The following PHF24 variants were observed in gnomAD, a reference collection of about 807,000 sequenced individuals.
PHF24 encodes the protein Galpha inhibitory interacting protein.
In PHF24, 25 loss-of-function variants were observed where a neutral mutation model predicts 42.6. That is an observed-to-expected ratio of 0.59 (90% CI 0.43 to 0.82). The LOEUF (loss-of-function observed/expected upper bound fraction) is 0.82, where lower values mean the gene tolerates loss of function less well. Ranked by LOEUF, PHF24 falls within the 40% of genes least tolerant of loss-of-function variation. The pLI is 0.00. For synonymous variants in PHF24, 185 were observed against 204.8 expected, an observed-to-expected ratio of 0.90 and a Z score of 0.83; for missense variants, 470 against 538.1, an observed-to-expected ratio of 0.87 and a Z score of 1.25.
chr9:34,803,999 A>T, the PHF24 span, among the ~76,000 whole-genome samples: 1 of 152,098 alleles, frequency 6.6e-6, no homozygotes, highest in Non-Finnish European at 1.5e-5. Flanking sequence ...GTATGACATG[A>T]CTCTGAAACT....
chr9:34,886,001 C>T, the PHF24 span, among the ~76,000 whole-genome samples: 2 of 151,964 alleles, frequency 1.3e-5, no homozygotes, highest in African/African-American at 2.4e-5. Context: ...GCCCACACTC[C>T]CTTATATGTG....
At chr9:34,752,760 T>C in the PHF24 span, among the ~76,000 whole-genome samples, 2 of 152,254 alleles carry the variant, frequency 1.3e-5, no homozygotes, top group East Asian at 3.9e-4. Flanking sequence ...CCAGTGTTCC[T>C]GATGAACATT....
At chr9:34,771,464 A>G in the PHF24 span, among the ~76,000 whole-genome samples, 1 of 152,240 alleles carries the variant, frequency 6.6e-6, no homozygotes, top group African/African-American at 2.4e-5. Flanking sequence ...TTAACCAAAA[A>G]GTTATTATGT....
chr9:34,893,081 T>C, the PHF24 span: 6 of 947,438 alleles, frequency 6.3e-6, no homozygotes, highest in Admixed American at 1.3e-4. Flanking sequence ...AGCCATAACA[T>C]TGCAGATTTG....
At chr9:34,935,970 GT>G in the PHF24 span, among the ~76,000 whole-genome samples, 6 of 151,512 alleles carry the variant, frequency 4.0e-5, no homozygotes, top group Non-Finnish European at 5.9e-5. Context: ...CCCGTGCCAA[GT>G]ATCTAGGGTG....
chr9:34,952,488 A>AT, the PHF24 span, among the ~76,000 whole-genome samples: 1 of 152,352 alleles, frequency 6.6e-6, no homozygotes, highest in South Asian at 2.1e-4. Flanking sequence ...TGCCACCAGG[A>AT]TTTTTTAATA....
chr9:34,731,907 G>GT, the PHF24 span, among the ~76,000 whole-genome samples: 2 of 151,982 alleles, frequency 1.3e-5, no homozygotes, highest in Non-Finnish European at 1.5e-5. Context: ...CTGGAGTGCA[G>GT]TGGCGTGATC....
At chr9:34,721,174 T>C in the PHF24 span, among the ~76,000 whole-genome samples, 1 of 152,214 alleles carries the variant, frequency 6.6e-6, no homozygotes, top group Non-Finnish European at 1.5e-5. Context: ...ATTCCTTCAC[T>C]TCTGAACCAC....
chr9:34,906,643 C>CA, the PHF24 span, among the ~76,000 whole-genome samples: 17,723 of 65,616 alleles, frequency 0.27, 2,018 homozygotes, highest in East Asian at 0.56. Context: ...GACTCCATCT[C>CA]AAAAAAAAAA....
At chr9:34,764,827 G>A in the PHF24 span, among the ~76,000 whole-genome samples, 4 of 151,728 alleles carry the variant, frequency 2.6e-5, no homozygotes, top group Non-Finnish European at 5.9e-5. Flanking sequence ...GCTTTCTCTT[G>A]TGGGCATTTA....
chr9:34,850,946 C>T, the PHF24 span, among the ~76,000 whole-genome samples: 6 of 152,108 alleles, frequency 3.9e-5, no homozygotes, highest in African/African-American at 1.5e-4. Flanking sequence ...GCTGTCTGAT[C>T]GTTCCTCTGG....
the PHF24 span, among the ~76,000 whole-genome samples, chr9:34,811,478 G>A: frequency 4.6e-5 from 7 of 152,292 alleles, no homozygotes; most frequent in East Asian, 1.2e-3. Context: ...GCTTTCTCAC[G>A]TGCTCTCTTG....
At chr9:34,696,712 G>A in the PHF24 span, among the ~76,000 whole-genome samples, 1 of 152,116 alleles carries the variant, frequency 6.6e-6, no homozygotes, top group Non-Finnish European at 1.5e-5. Flanking sequence ...TTTGAGCAGA[G>A]ATGAACAAAG....
intron 1 of PHF24, among the ~76,000 whole-genome samples, chr9:34,969,370 G>A (rs1253672269): frequency 2.7e-5 from 4 of 148,134 alleles, no homozygotes; most frequent in African/African-American, 5.0e-5. Context: ...CGCCAGGCAC[G>A]GTGGCTCACG....
At chr9:34,690,220 G>A in the PHF24 span, 3 of 1,614,166 alleles carry the variant, frequency 1.9e-6, no homozygotes, top group Non-Finnish European at 1.7e-6. Flanking sequence ...ACTACAGCAG[G>A]CACCCTGCAG....
At chr9:34,761,802 C>T in the PHF24 span, among the ~76,000 whole-genome samples, 417 of 152,170 alleles carry the variant, frequency 2.7e-3, 2 homozygotes, top group African/African-American at 9.3e-3. Context: ...CCCATTAACT[C>T]GTCATTTAGC....
chr9:34,803,253 AAC>A, the PHF24 span, among the ~76,000 whole-genome samples: 2 of 152,186 alleles, frequency 1.3e-5, no homozygotes, highest in African/African-American at 4.8e-5. Flanking sequence ...CCCTGCCAAA[AAC>A]ACACTAGGGA....
the PHF24 span, chr9:34,834,824 G>A: frequency 7.4e-5 from 114 of 1,539,978 alleles, no homozygotes; most frequent in Non-Finnish European, 9.7e-5. Flanking sequence ...TGGCGAAAGT[G>A]GGGAAGAGGG....
At chr9:34,736,383 T>C in the PHF24 span, among the ~76,000 whole-genome samples, 1 of 152,200 alleles carries the variant, frequency 6.6e-6, no homozygotes, top group Non-Finnish European at 1.5e-5. Context: ...GATGGCTCAC[T>C]GTAGCCTCGA....
Sources: allele counts gnomAD v4.1 joint callset (sites outside exome capture counted in the v4.1 genomes callset), GRCh38; gene constraint gnomAD v4.1.1; transcripts MANE v1.5; gene names NCBI Gene and HGNC (gene_info 2026-07-23, HGNC 2026-07-21).